Variants in CERT1 observed in about 807,000 individuals in gnomAD.
CERT1 encodes the protein ceramide transporter 1, also known as ceramide transfer protein.
A neutral mutation model predicts 87.9 loss-of-function variants in CERT1; 31 were observed. The ratio of observed to expected loss-of-function variants is 0.35; its 90% CI spans 0.27 to 0.48. CERT1 has a LOEUF of 0.48. CERT1 is among the 20% of genes least tolerant of loss of function. The pLI is 0.99. For missense variants in CERT1, 487 were observed against 758.0 expected, an observed-to-expected ratio of 0.64 and a Z score of 4.20; for synonymous variants, 289 against 250.9, an observed-to-expected ratio of 1.15 and a Z score of -1.44.
intron 11 of CERT1, among the ~76,000 whole-genome samples, chr5:75,395,555 C>CAA (rs35109034): frequency 0.073 from 3,497 of 47,844 alleles, 490 homozygotes; most frequent in African/African-American, 0.22. Flanking sequence ...TGTCTCTTTA[C>CAA]AAAAAAAAAA....
downstream of CERT1, chr5:75,373,432 A>G (rs536502734): frequency 3.9e-5 from 6 of 152,346 alleles, no homozygotes; most frequent in East Asian, 1.2e-3. Flanking sequence ...AATTGTGTTC[A>G]TAACAAACTG....
chr5:75,468,939 G>GACA (rs1334090610), intron 2 of CERT1, among the ~76,000 whole-genome samples: 1 of 152,136 alleles, frequency 6.6e-6, no homozygotes, highest in Non-Finnish European at 1.5e-5. Flanking sequence ...TTATCAAACA[G>GACA]ACAAAATAAA....
intron 14 of CERT1, among the ~76,000 whole-genome samples, chr5:75,384,074 CAT>C (rs1561222551): frequency 1.3e-5 from 2 of 152,160 alleles, no homozygotes; most frequent in Admixed American, 1.3e-4. Context: ...TTAGTCTTAA[CAT>C]AGGCTAATAC....
At chr5:75,437,690 C>T (rs184565851) in intron 3 of CERT1, among the ~76,000 whole-genome samples, 175 of 150,762 alleles carry the variant, frequency 1.2e-3, no homozygotes, top group African/African-American at 4.1e-3. Flanking sequence ...CGCTTGAACC[C>T]GGGAGGCAGA....
At chr5:75,449,422 C>G (rs547851242) in intron 3 of CERT1, among the ~76,000 whole-genome samples, 1 of 152,294 alleles carries the variant, frequency 6.6e-6, no homozygotes, top group East Asian at 1.9e-4. Context: ...GTAGCGTATT[C>G]TAAATTTTCT....
intron 2 of CERT1, among the ~76,000 whole-genome samples, chr5:75,472,629 G>A (rs1765766595): frequency 2.0e-5 from 3 of 152,074 alleles, no homozygotes; most frequent in African/African-American, 7.2e-5. Context: ...TTTCTCAGAA[G>A]AAAACATATA....
At chr5:75,370,054 C>T (rs906130244) in intron 17 of CERT1, 8 of 152,166 alleles carry the variant, frequency 5.3e-5, no homozygotes, top group Non-Finnish European at 1.0e-4. Context: ...ATGCCAAAGT[C>T]AAGTCTAAAG....
intron 2 of CERT1, among the ~76,000 whole-genome samples, chr5:75,495,242 T>C (rs920391857): frequency 5.3e-5 from 8 of 152,228 alleles, no homozygotes; most frequent in African/African-American, 1.9e-4. Flanking sequence ...GCTTTCTTTA[T>C]CAGCCATAAT....
At chr5:75,417,652 T>C (rs1763193540) in intron 6 of CERT1, among the ~76,000 whole-genome samples, 1 of 152,220 alleles carries the variant, frequency 6.6e-6, no homozygotes, top group Admixed American at 6.5e-5. Context: ...ATGTCAATTT[T>C]GACTTTAAAA....
At chr5:75,499,306 G>A (rs1237192958) in intron 2 of CERT1, among the ~76,000 whole-genome samples, 2 of 152,166 alleles carry the variant, frequency 1.3e-5, no homozygotes, top group Non-Finnish European at 2.9e-5. Flanking sequence ...TTTGGGAGGG[G>A]CCAGGGGCAG....
intron 3 of CERT1, among the ~76,000 whole-genome samples, chr5:75,445,280 GCTCATGCACTTTTA>G (rs1764490475): frequency 6.6e-6 from 1 of 152,098 alleles, no homozygotes; most frequent in South Asian, 2.1e-4. Context: ...TTTTATACTT[GCTCATGCACTTTTA>G]CTAAGATTTT....
At chr5:75,430,378 G>A (rs1290775677) in intron 3 of CERT1, among the ~76,000 whole-genome samples, 1 of 152,042 alleles carries the variant, frequency 6.6e-6, no homozygotes, top group Non-Finnish European at 1.5e-5. Context: ...AGTGATGAAG[G>A]AATATAAACA....
At chr5:75,459,413 T>A (rs1006212722) in intron 2 of CERT1, among the ~76,000 whole-genome samples, 31 of 152,296 alleles carry the variant, frequency 2.0e-4, no homozygotes, top group African/African-American at 6.0e-4. Flanking sequence ...GCTACAAACA[T>A]CTATTTCTAA....
At chr5:75,432,386 ATC>A (rs889651417) in intron 3 of CERT1, among the ~76,000 whole-genome samples, 8 of 152,134 alleles carry the variant, frequency 5.3e-5, no homozygotes, top group African/African-American at 1.7e-4. Flanking sequence ...CCTCACCAAC[ATC>A]TGTTATTTTC....
intron 3 of CERT1, among the ~76,000 whole-genome samples, chr5:75,433,131 A>G (rs962060260): frequency 2.6e-5 from 4 of 152,212 alleles, no homozygotes. Flanking sequence ...AGGTAGTGTG[A>G]TACCTCCAGC....
At chr5:75,480,328 TCTTC>T (rs988075884) in intron 2 of CERT1, among the ~76,000 whole-genome samples, 20 of 152,338 alleles carry the variant, frequency 1.3e-4, no homozygotes, top group African/African-American at 4.6e-4. Flanking sequence ...TCAACTCTAT[TCTTC>T]CTTCCCTCAT....
intron 15 of CERT1, among the ~76,000 whole-genome samples, 196 bp downstream of exon 15, chr5:75,381,753 T>G (rs1275820831): frequency 6.6e-6 from 1 of 152,106 alleles, no homozygotes; most frequent in East Asian, 1.9e-4. Context: ...ACGGCCCTGG[T>G]GGAATGTTCA....
intron 8 of CERT1, among the ~76,000 whole-genome samples, chr5:75,409,058 T>C (rs1251192194): frequency 3.9e-5 from 6 of 152,218 alleles, no homozygotes; most frequent in African/African-American, 1.4e-4. Flanking sequence ...CTTTATTGGC[T>C]TATTTGAATT....
intron 2 of CERT1, among the ~76,000 whole-genome samples, chr5:75,468,758 T>C (rs1439269794): frequency 6.6e-6 from 1 of 152,142 alleles, no homozygotes; most frequent in Non-Finnish European, 1.5e-5. Flanking sequence ...GTTGCAACAG[T>C]CATGGGCTTA....
Sources: allele counts gnomAD v4.1 joint callset (sites outside exome capture counted in the v4.1 genomes callset), GRCh38; gene constraint gnomAD v4.1.1; transcripts MANE v1.5; gene names NCBI Gene and HGNC (gene_info 2026-07-23, HGNC 2026-07-21).